ABHD3: variants seen among roughly 807,000 people sequenced by gnomAD.
ABHD3 encodes abhydrolase domain containing 3, phospholipase.
A neutral mutation model predicts 48.8 loss-of-function variants in ABHD3; 46 were observed. The observed-to-expected ratio is 0.94, with a 90% CI of 0.74 to 1.20. The LOEUF is 1.20. Ranked by LOEUF, ABHD3 falls within the 50% of genes most tolerant of loss-of-function variation. ABHD3 has a pLI of 0.00. For missense variants in ABHD3, 490 were observed against 497.8 expected, an observed-to-expected ratio of 0.98 and a Z score of 0.15; for synonymous variants, 192 against 183.7, an observed-to-expected ratio of 1.04 and a Z score of -0.36.
chr18:21,693,218 C>T (rs1408761126), intron 3 of ABHD3, among the ~76,000 whole-genome samples: 1 of 152,222 alleles, frequency 6.6e-6, no homozygotes, highest in Admixed American at 6.5e-5. Flanking sequence ...TCATAGCTAA[C>T]ACTTAACAAA....
At chr18:21,675,689 A>C (rs2039867936) in intron 4 of ABHD3, among the ~76,000 whole-genome samples, 1 of 152,182 alleles carries the variant, frequency 6.6e-6, no homozygotes, top group Non-Finnish European at 1.5e-5. Context: ...TGCTTCTCTC[A>C]TTAAGGAAAT....
At chr18:21,677,795 T>A (rs2039919849) in intron 4 of ABHD3, among the ~76,000 whole-genome samples, 2 of 152,022 alleles carry the variant, frequency 1.3e-5, no homozygotes, top group Admixed American at 6.6e-5. Flanking sequence ...GCGATTCCCC[T>A]GCCTCAGCCT....
At chr18:21,675,584 G>GT (rs1231066282) in intron 4 of ABHD3, among the ~76,000 whole-genome samples, 1 of 151,778 alleles carries the variant, frequency 6.6e-6, no homozygotes, top group Non-Finnish European at 1.5e-5. Flanking sequence ...GTTTTGTTTT[G>GT]TTTTGTCTTT....
chr18:21,678,913 G>A (rs1423666542), intron 4 of ABHD3, among the ~76,000 whole-genome samples: 2 of 152,156 alleles, frequency 1.3e-5, no homozygotes, highest in African/African-American at 4.8e-5. Context: ...TGGAAATGAG[G>A]ACAGAATGGC....
intron 4 of ABHD3, among the ~76,000 whole-genome samples, chr18:21,667,533 G>A (rs1274644568): frequency 2.0e-5 from 3 of 151,994 alleles, no homozygotes; most frequent in East Asian, 1.9e-4. Flanking sequence ...GAATCACCGC[G>A]CCCAGCCGAA....
At chr18:21,655,931 C>T (rs1345712200) in intron 8 of ABHD3, among the ~76,000 whole-genome samples, 6 of 151,398 alleles carry the variant, frequency 4.0e-5, no homozygotes, top group Non-Finnish European at 7.4e-5. Context: ...ACCAGGCAGG[C>T]GAATTACCTG....
intron 4 of ABHD3, among the ~76,000 whole-genome samples, chr18:21,669,940 C>A (rs191708565): frequency 2.0e-5 from 3 of 151,938 alleles, no homozygotes; most frequent in Non-Finnish European, 4.4e-5. Flanking sequence ...AGGAAGCACC[C>A]GCGGGAGAGT....
At chr18:21,673,057 T>C (rs1341937160) in intron 4 of ABHD3, among the ~76,000 whole-genome samples, 2 of 152,262 alleles carry the variant, frequency 1.3e-5, no homozygotes, top group Non-Finnish European at 2.9e-5. Flanking sequence ...GCAGTTTTGT[T>C]AGTGGCTTAG....
chr18:21,703,709 G>A lies in ABHD3; in HGVS notation c.201C>T (p.Arg67=), dbSNP rs1307416082. The change falls in exon 2 of 9, where the codon CGC becomes CGT. Residue 67 remains arginine (R), a synonymous_variant. Coordinates refer to ENST00000289119, the MANE Select transcript of ABHD3 (RefSeq NM_138340.5). Reference sequence around the variant, plus strand: ...CCACGGGACAGTGGTCTTGAAGGAAGCGGCTGAAACTCTCACCCCCGGTCA... The same window carrying A: ...CCACGGGACAGTGGTCTTGAAGGAAACGGCTGAAACTCTCACCCCCGGTCA... ...QLVTGGESFS[R]FLQDHCPVVT... The A allele has an allele frequency of 6.2e-7, 1 of 1,614,098 alleles. No homozygotes were observed. Among genetic ancestry groups the A allele is most frequent in the Admixed American group, 1.7e-5 (1 of 60,022 alleles).
At chr18:21,670,205 G>A (rs565098728) in intron 4 of ABHD3, among the ~76,000 whole-genome samples, 35 of 152,184 alleles carry the variant, frequency 2.3e-4, no homozygotes, top group South Asian at 4.2e-4. Flanking sequence ...AGCAGGCTCC[G>A]ATGGCTAGAG....
chr18:21,685,419 T>C (rs1018487904), intron 3 of ABHD3, among the ~76,000 whole-genome samples: 2 of 152,214 alleles, frequency 1.3e-5, no homozygotes, highest in African/African-American at 4.8e-5. Context: ...TGAAAAGCCA[T>C]ATAGAAAATT....
At chr18:21,674,080 G>A (rs9965336) in intron 4 of ABHD3, among the ~76,000 whole-genome samples, 1 of 151,898 alleles carries the variant, frequency 6.6e-6, no homozygotes, top group Non-Finnish European at 1.5e-5. Flanking sequence ...GTTCTATATG[G>A]GTCTGAACTC....
chr18:21,683,926 A>C lies in ABHD3; in HGVS notation c.549T>G (p.Asn183Lys), dbSNP rs768721542. 11 of 1,595,810 alleles carry C rather than the reference A, an allele frequency of 6.9e-6. No homozygotes were observed. Among genetic ancestry groups the C allele is most frequent in the South Asian group, 1.1e-5 (1 of 87,392 alleles). Reference sequence around the variant, plus strand: ...GTCATTTAAATTTACTTACCAAGAGATTCTCCCCCGCCACTCCTCTGTTGT... The same window carrying C: ...GTCATTTAAATTTACTTACCAAGAGCTTCTCCCCCGCCACTCCTCTGTTGT... ...VFNNRGVAGE[N>K]LLTPRTYCCA... is the part of the protein sequence containing the mutation. Residue 183 changes from asparagine to lysine, a missense_variant, in exon 4 of 9, where the codon AAT becomes AAG. Asn to Lys is a moderately conservative substitution (Grantham distance 94). Transcript: ENST00000289119.
At chr18:21,671,625 T>C (rs1047728613) in intron 4 of ABHD3, among the ~76,000 whole-genome samples, 1 of 152,084 alleles carries the variant, frequency 6.6e-6, no homozygotes, top group Non-Finnish European at 1.5e-5. Flanking sequence ...AAACTCCTTC[T>C]GGGTGGGATG....
rs552064247 is a variant in ABHD3, at chr18:21,704,725, G to A, written c.-60C>T. The A allele has an allele frequency of 1.3e-5, 17 of 1,298,494 alleles. No individual in the cohort carries two copies. In the African/African-American group the frequency reaches 1.9e-4, roughly 15 times the overall value. 80.4% of individuals were successfully genotyped at this position (1,298,494 alleles called of 1,614,324 possible). A position where few individuals can be genotyped will look rare whatever the true frequency, so the allele number is the denominator to read the frequency against. ...GAGGAGAGCCGGCTGGCGAGCGGGC[G>A]AGAGCGGGCGAGAGCGGACGCGGCG... On this transcript the variant is annotated 5_prime_UTR_variant, in exon 1 of 9. Coordinates refer to ENST00000289119, the MANE Select transcript of ABHD3 (RefSeq NM_138340.5).
intron 5 of ABHD3, among the ~76,000 whole-genome samples, chr18:21,662,621 C>G (rs1024897604): frequency 4.6e-5 from 7 of 152,096 alleles, no homozygotes; most frequent in African/African-American, 1.2e-4. Context: ...ACTGTTTTTG[C>G]GTGTTGCATC....
At chr18:21,677,776 C>T (rs369183098) in intron 4 of ABHD3, among the ~76,000 whole-genome samples, 5 of 151,764 alleles carry the variant, frequency 3.3e-5, no homozygotes, top group East Asian at 3.9e-4. Context: ...CTCCACCTCC[C>T]GGGTTCAAGC....
At chr18:21,681,680 C>T (rs2040007886) in intron 4 of ABHD3, among the ~76,000 whole-genome samples, 1 of 152,144 alleles carries the variant, frequency 6.6e-6, no homozygotes, top group Admixed American at 6.5e-5. Flanking sequence ...CTGGCCCTAC[C>T]CTTCTAGCAA....
chr18:21,681,452 C>T (rs11662721), intron 4 of ABHD3, among the ~76,000 whole-genome samples: 22,431 of 152,054 alleles, frequency 0.15, 1,983 homozygotes, highest in Middle Eastern at 0.27. Flanking sequence ...ATTCCCCCTC[C>T]GTCTGCTTTC....
Sources: allele counts gnomAD v4.1 joint callset (sites outside exome capture counted in the v4.1 genomes callset), GRCh38; gene constraint gnomAD v4.1.1; transcripts MANE v1.5; gene names NCBI Gene and HGNC (gene_info 2026-07-23, HGNC 2026-07-21).